The following CUX1 variants were observed in gnomAD, a reference collection of about 807,000 sequenced individuals.
CUX1 encodes protein CASP.
In CUX1, 31 loss-of-function variants were observed where a neutral mutation model predicts 158.8. The ratio of observed to expected loss-of-function variants is 0.20; its 90% confidence interval spans 0.15 to 0.26. The LOEUF is 0.26. Ranked by LOEUF, CUX1 falls within the 10% of genes least tolerant of loss-of-function variation. CUX1 has a pLI of 1.00. For synonymous variants in CUX1, 879 were observed against 862.1 expected (o/e 1.02, Z -0.34); for missense variants, 1,589 against 2,014.6 (o/e 0.79, Z 4.04).
intron 8 of CUX1, among the ~76,000 whole-genome samples, chr7:102,133,692 G>C (rs1395522645): frequency 6.6e-6 from 1 of 151,930 alleles, no homozygotes; most frequent in Non-Finnish European, 1.5e-5. Context: ...GGCCAGGCTG[G>C]TCTTGAACTC....
intron 3 of CUX1, among the ~76,000 whole-genome samples, chr7:102,032,463 C>T (rs1426908320): frequency 1.3e-5 from 2 of 151,584 alleles, no homozygotes; most frequent in South Asian, 2.1e-4. Flanking sequence ...GTCAAGAGTT[C>T]GAGACCAGCC....
intron 3 of CUX1, among the ~76,000 whole-genome samples, chr7:102,069,484 C>T (rs1563201832): frequency 6.6e-6 from 1 of 152,212 alleles, no homozygotes; most frequent in Non-Finnish European, 1.5e-5. Flanking sequence ...CGCAGTGGCT[C>T]ACGCCTGTAA....
intron 2 of CUX1, among the ~76,000 whole-genome samples, chr7:101,992,726 T>C (rs1223792826): frequency 6.6e-6 from 1 of 152,200 alleles, no homozygotes; most frequent in East Asian, 1.9e-4. Context: ...TGCCATACTG[T>C]TAGCAGGGGT....
intron 10 of CUX1, among the ~76,000 whole-genome samples, chr7:102,171,371 G>C (rs2131696599): frequency 6.6e-6 from 1 of 152,012 alleles, no homozygotes. Flanking sequence ...CATGTAATAA[G>C]ACTAAGTAAA....
At position 102,124,437 on chromosome 7, in the gene CUX1, G is replaced by A. The variant is rs563254917; in HGVS notation, c.674+9164G>A. The stretch of plus-strand genomic sequence containing the variant: ...CAGCCTAGGTGAGGAAGTGACCTAT[G>A]TGCCCAGCTTCAGATGAATGGATGA... On this transcript the variant is annotated intron_variant, in intron 8 of 23. Coordinates refer to ENST00000292535, the MANE Select transcript of CUX1 (RefSeq NM_181552.4). Among the ~76,000 whole-genome samples, 24 of 152,376 alleles carry A rather than the reference G, an allele frequency of 1.6e-4. No individual in the cohort carries two copies. The East Asian group carries it at 4.2e-3, about 27-fold the overall frequency.
chr7:102,093,978 C>A lies in CUX1; in HGVS notation c.269-3386C>A, dbSNP rs1828929334. On this transcript the variant is annotated intron_variant, in intron 4 of 23. Coordinates refer to ENST00000292535, the MANE Select transcript of CUX1 (RefSeq NM_181552.4). ...TAAGATCGGAGGCATCTGACGTTCG[C>A]ATAAGACCTGACAATCCTTGTGTGG... Among the ~76,000 whole-genome samples, 4 of 152,164 alleles carry A rather than the reference C, an allele frequency of 2.6e-5. No individual in the cohort carries two copies. The South Asian group carries it at 8.3e-4, about 32-fold the overall frequency.
intron 20 of CUX1, among the ~76,000 whole-genome samples, chr7:102,213,581 C>A (rs1165482414): frequency 2.6e-5 from 4 of 152,214 alleles, no homozygotes; most frequent in African/African-American, 7.2e-5. Context: ...AGACACATCC[C>A]GTTCTCTCCC....
intron 2 of CUX1, among the ~76,000 whole-genome samples, chr7:101,926,059 A>G (rs930807929): frequency 1.3e-5 from 2 of 152,188 alleles, no homozygotes; most frequent in Admixed American, 6.5e-5. Flanking sequence ...CTCATCCTCT[A>G]AAGAAACTCC....
chr7:102,259,993 GC>G (rs1402350495), downstream of CUX1, among the ~76,000 whole-genome samples: 2 of 151,826 alleles, frequency 1.3e-5, no homozygotes, highest in Admixed American at 6.6e-5. Context: ...TACTCTGGAG[GC>G]TGAGGTGGGA....
chr7:101,978,230 G>A (rs914080827), intron 2 of CUX1, among the ~76,000 whole-genome samples: 2 of 152,060 alleles, frequency 1.3e-5, no homozygotes. Flanking sequence ...ATCTCTACTT[G>A]GAAAGACATC....
At chr7:102,025,076 C>T (rs1819829581) in intron 2 of CUX1, among the ~76,000 whole-genome samples, 3 of 152,212 alleles carry the variant, frequency 2.0e-5, no homozygotes, top group East Asian at 1.9e-4. Context: ...TATAGCATTC[C>T]GACCTCTGCG....
intron 8 of CUX1, among the ~76,000 whole-genome samples, chr7:102,116,645 A>T (rs1554491859): frequency 6.6e-6 from 1 of 152,010 alleles, no homozygotes; most frequent in Non-Finnish European, 1.5e-5. Flanking sequence ...CCCTGCCCCT[A>T]AAAAAATTTT....
chr7:101,943,651 A>G (rs989803064), intron 2 of CUX1, among the ~76,000 whole-genome samples: 1 of 151,384 alleles, frequency 6.6e-6, no homozygotes, highest in African/African-American at 2.4e-5. Context: ...GGTTGGGAAC[A>G]GTGTCCCCTA....
chr7:102,139,190 A>C (rs1306956471), intron 8 of CUX1, among the ~76,000 whole-genome samples: 2 of 146,216 alleles, frequency 1.4e-5, no homozygotes, highest in African/African-American at 5.1e-5. Flanking sequence ...GTTTGCAGTG[A>C]GCCGAGATCG....
At chr7:102,005,114 G>A (rs2129283958) in intron 2 of CUX1, among the ~76,000 whole-genome samples, 1 of 152,220 alleles carries the variant, frequency 6.6e-6, no homozygotes, top group East Asian at 1.9e-4. Flanking sequence ...CCGTCATTCA[G>A]GCTCTGTCAG....
chr7:101,872,640 G>A (rs996108018), intron 1 of CUX1, among the ~76,000 whole-genome samples: 4 of 151,406 alleles, frequency 2.6e-5, no homozygotes, highest in Non-Finnish European at 5.9e-5. Flanking sequence ...GAAATATTAC[G>A]AAAAAATAAA....
At position 101,857,288 on chromosome 7, in the gene CUX1, T is replaced by C. The variant is rs920947842; in HGVS notation, c.30+39619T>C. Among the ~76,000 whole-genome samples, 3 of 152,374 alleles carry C rather than the reference T, an allele frequency of 2.0e-5. No homozygotes were observed. In the East Asian group the frequency reaches 5.8e-4, roughly 29 times the overall value. On this transcript the variant is annotated intron_variant, in intron 1 of 23. Coordinates refer to ENST00000292535, the MANE Select transcript of CUX1 (RefSeq NM_181552.4). ...TCACAGGCCTAGCATTCAATACCTATCATATTTTTGAAATATCTGCAGAAA... is the reference window on the plus strand; with the variant it reads ...TCACAGGCCTAGCATTCAATACCTACCATATTTTTGAAATATCTGCAGAAA...
chr7:102,219,262 G>A (rs182777530), intron 20 of CUX1, among the ~76,000 whole-genome samples: 13 of 151,982 alleles, frequency 8.6e-5, no homozygotes, highest in African/African-American at 3.1e-4. Context: ...GAAGAAACTG[G>A]CACCCATTGG....
intron 2 of CUX1, among the ~76,000 whole-genome samples, chr7:102,021,611 T>TC (rs201211664): frequency 0.038 from 2,863 of 74,430 alleles, 98 homozygotes; most frequent in African/African-American, 0.094. Flanking sequence ...TACTTTTTTT[T>TC]CTCTTTTTTT....
Sources: gnomAD v4.1 joint callset for allele counts (sites outside exome capture counted in the v4.1 genomes callset) on GRCh38, gnomAD v4.1.1 for gene constraint, MANE v1.5 for transcripts, NCBI Gene and HGNC (gene_info 2026-07-23, HGNC 2026-07-21) for gene names.